Variants in MDGA2 observed in about 807,000 individuals in gnomAD.
MDGA2 encodes the protein MAM domain containing glycosylphosphatidylinositol anchor 2, also known as MAM domain-containing glycosylphosphatidylinositol anchor protein 2.
In MDGA2, 40 loss-of-function variants were observed where a neutral mutation model predicts 117.8. The ratio of observed to expected loss-of-function variants is 0.34; its 90% CI spans 0.26 to 0.44. The LOEUF (loss-of-function observed/expected upper bound fraction) is 0.44. MDGA2 is among the 20% of genes least tolerant of loss of function. The pLI is 1.00. For missense variants in MDGA2, 1,123 were observed against 1,250.6 expected, an observed-to-expected ratio of 0.90 and a Z score of 1.54; for synonymous variants, 452 against 439.0, an observed-to-expected ratio of 1.03 and a Z score of -0.37.
chr14:46,945,005 C>A (rs1402080531), intron 9 of MDGA2, among the ~76,000 whole-genome samples: 1 of 151,956 alleles, frequency 6.6e-6, no homozygotes, highest in African/African-American at 2.4e-5. Context: ...TTCCTATTTT[C>A]TTTTCATGTC....
At chr14:47,340,968 A>C (rs1399618611) in intron 1 of MDGA2, among the ~76,000 whole-genome samples, 3 of 152,192 alleles carry the variant, frequency 2.0e-5, no homozygotes, top group African/African-American at 7.2e-5. Flanking sequence ...ATATTGATTC[A>C]GGTTGGTTGC....
At chr14:47,148,230 C>T (rs1883022258) in intron 3 of MDGA2, among the ~76,000 whole-genome samples, 1 of 152,200 alleles carries the variant, frequency 6.6e-6, no homozygotes, top group African/African-American at 2.4e-5. Flanking sequence ...AGCTTTTTCC[C>T]TTTCTGGGAA....
rs756120409 is a variant in MDGA2 at position 47,674,529 on chromosome 14, G to T, written c.268C>A (p.Gln90Lys). 1.9e-6 allele frequency: 3 copies of T among 1,551,158 alleles called. No homozygotes were observed. In the Admixed American group the frequency reaches 5.9e-5, roughly 30 times the overall value. ...LTVLLEGISG[Q>K]GVYAPPTVRI... is the part of the protein sequence containing the mutation. ...CGATTCCACTCACCGTACACTCCTT[G>T]GCCAGAGATCCCCTCCAGGAGGACT... is the stretch of plus-strand genomic sequence containing the variant. The change falls in exon 1 of 17, where the codon CAA (glutamine) becomes AAA (lysine). Residue 90 changes from glutamine (Q) to lysine (K), a missense_variant. Transcript: ENST00000399232.
At chr14:47,173,861 G>A (rs1014974910) in intron 3 of MDGA2, among the ~76,000 whole-genome samples, 9 of 152,098 alleles carry the variant, frequency 5.9e-5, no homozygotes, top group Non-Finnish European at 1.2e-4. Context: ...TGGCAAATTG[G>A]ATAGAGTCAA....
At chr14:47,296,599 C>T (rs1889082973) in intron 2 of MDGA2, among the ~76,000 whole-genome samples, 1 of 152,104 alleles carries the variant, frequency 6.6e-6, no homozygotes, top group Non-Finnish European at 1.5e-5. Flanking sequence ...GTGTAATTTA[C>T]TTTCTTGAAT....
chr14:47,501,179 T>G (rs1894391769), intron 1 of MDGA2, among the ~76,000 whole-genome samples: 1 of 152,116 alleles, frequency 6.6e-6, no homozygotes, highest in African/African-American at 2.4e-5. Flanking sequence ...TAAGAGATGA[T>G]AGTAGAATGG....
Position 47,242,525 on chromosome 14 carries a change from C to A in MDGA2, c.421-24330G>T, listed in dbSNP as rs532141108. On this transcript the variant is annotated intron_variant, in intron 2 of 16. Transcript: ENST00000399232. ...CCGGGTGGGCGTGGGCTTGGTGGGC[C>A]CCGCACTTGGAGCAGCCAGCCAGTC... is the stretch of plus-strand genomic sequence containing the variant. 1.0e-3 allele frequency among the ~76,000 whole-genome samples: 158 copies of A among 151,902 alleles called. 4 individuals are homozygous for A. The highest frequency in any genetic ancestry group is 3.7e-3 in the African/African-American group (153 of 41,510).
chr14:47,285,241 T>C (rs1281497166), intron 2 of MDGA2, among the ~76,000 whole-genome samples: 1 of 152,158 alleles, frequency 6.6e-6, no homozygotes, highest in Non-Finnish European at 1.5e-5. Context: ...CAAAGCCTTC[T>C]AGCAAAATTA....
chr14:46,878,992 G>A (rs1882340925), intron 11 of MDGA2, among the ~76,000 whole-genome samples: 1 of 152,032 alleles, frequency 6.6e-6, no homozygotes, highest in South Asian at 2.1e-4. Context: ...AGTTCAGCGA[G>A]TCCAGTTTTT....
chr14:47,410,277 G>T (rs543733944), intron 1 of MDGA2, among the ~76,000 whole-genome samples: 1 of 152,216 alleles, frequency 6.6e-6, no homozygotes, highest in South Asian at 2.1e-4. Context: ...TAAAATATGG[G>T]AGAGTGAGAG....
intron 8 of MDGA2, among the ~76,000 whole-genome samples, chr14:47,014,164 C>A (rs930717669): frequency 2.6e-5 from 4 of 151,978 alleles, no homozygotes; most frequent in Non-Finnish European, 5.9e-5. Context: ...ATATTTTGAA[C>A]AGTAAGTCTC....
chr14:47,016,623 T>C (rs1423278541), intron 8 of MDGA2, among the ~76,000 whole-genome samples: 1 of 152,080 alleles, frequency 6.6e-6, no homozygotes, highest in East Asian at 1.9e-4. Flanking sequence ...TCATTATTAC[T>C]CTACTAATTT....
At chr14:47,491,330 A>G (rs1894165099) in intron 1 of MDGA2, among the ~76,000 whole-genome samples, 1 of 152,078 alleles carries the variant, frequency 6.6e-6, no homozygotes, top group South Asian at 2.1e-4. Flanking sequence ...GTTTCTCTGA[A>G]GGTCTTAGGA....
At chr14:47,130,426 C>T (rs1447767408) in intron 5 of MDGA2, among the ~76,000 whole-genome samples, 1 of 152,048 alleles carries the variant, frequency 6.6e-6, no homozygotes, top group Non-Finnish European at 1.5e-5. Context: ...ATCAGTGTTC[C>T]TCCATTGCTG....
chr14:47,023,073 G>A (rs989532466), intron 8 of MDGA2, among the ~76,000 whole-genome samples: 1 of 151,672 alleles, frequency 6.6e-6, no homozygotes, highest in African/African-American at 2.4e-5. Flanking sequence ...AGCAAATACA[G>A]AAAGAACTGA....
intron 5 of MDGA2, among the ~76,000 whole-genome samples, chr14:47,129,639 T>C (rs1447554548): frequency 6.6e-6 from 1 of 150,656 alleles, no homozygotes; most frequent in South Asian, 2.1e-4. Flanking sequence ...ATGGTATTTC[T>C]AGTTCTAGAT....
intron 6 of MDGA2, among the ~76,000 whole-genome samples, chr14:47,066,091 C>A (rs1050018858): frequency 2.0e-5 from 3 of 152,176 alleles, no homozygotes; most frequent in African/African-American, 7.2e-5. Flanking sequence ...TAGGTTACAT[C>A]AGCAAAGCAA....
chr14:46,927,655 T>C (rs993290842), intron 9 of MDGA2, among the ~76,000 whole-genome samples: 1 of 152,216 alleles, frequency 6.6e-6, no homozygotes, highest in Non-Finnish European at 1.5e-5. Context: ...TAACAATTTA[T>C]AATCCAACTA....
chr14:47,633,950 G>A (rs1459501779), intron 1 of MDGA2, among the ~76,000 whole-genome samples: 2 of 152,204 alleles, frequency 1.3e-5, no homozygotes, highest in South Asian at 4.1e-4. Context: ...ATACTATAAA[G>A]GTGAAAGGTT....
Sources: gnomAD v4.1 joint callset for allele counts (sites outside exome capture counted in the v4.1 genomes callset) on GRCh38, gnomAD v4.1.1 for gene constraint, MANE v1.5 for transcripts, NCBI Gene and HGNC (gene_info 2026-07-23, HGNC 2026-07-21) for gene names.